The following ZSCAN2 variants were observed in gnomAD, a reference collection of about 807,000 sequenced individuals.
ZSCAN2 encodes zinc finger and SCAN domain containing 2.
ZSCAN2 carries 26 observed loss-of-function variants against 47.8 expected under a neutral mutation model. The ratio of observed to expected loss-of-function variants is 0.54; its 90% confidence interval spans 0.40 to 0.75. The LOEUF (loss-of-function observed/expected upper bound fraction) is 0.75. Among genes scored for constraint, ZSCAN2 ranks in the 30% least tolerant of loss-of-function variants. The pLI, the probability that ZSCAN2 is intolerant of heterozygous loss-of-function variation, is 0.00. For missense variants in ZSCAN2, 732 were observed against 785.4 expected, an observed-to-expected ratio of 0.93 and a Z score of 0.81; for synonymous variants, 305 against 288.7, an observed-to-expected ratio of 1.06 and a Z score of -0.57.
At chr15:84,606,622 G>C in intron 2 of ZSCAN2, 2 of 1,610,672 alleles carry the variant, frequency 1.2e-6, no homozygotes, top group Non-Finnish European at 1.7e-6. Context: ...GAGAGTGATG[G>C]AGGGCTGAGG....
rs908490510 is a variant in ZSCAN2, at chr15:84,602,870, A to G, written c.-108-950A>G. ...TCCCAAAGTGCTGGGATTACAGGCAACCACGCCAAGCCTATAGCACAGTTT... is the reference window on the plus strand; with the variant it reads ...TCCCAAAGTGCTGGGATTACAGGCAGCCACGCCAAGCCTATAGCACAGTTT... On this transcript the variant is annotated intron_variant, in intron 1 of 2. Transcript: ENST00000546148. 2.6e-5 allele frequency among the ~76,000 whole-genome samples: 4 copies of G among 152,058 alleles called. No homozygotes were observed. In the East Asian group the frequency reaches 7.7e-4, roughly 29 times the overall value.
Position 84,623,450 on chromosome 15 carries a change from T to G in ZSCAN2, c.*1410T>G, listed in dbSNP as rs916147106. 2 of 170,968 alleles carry G rather than the reference T, an allele frequency of 1.2e-5. No homozygotes were observed. Among genetic ancestry groups the G allele is most frequent in the Admixed American group, 1.3e-4 (2 of 15,286 alleles). 10.6% of individuals were successfully genotyped at this position (170,968 alleles called of 1,614,324 possible). ...AGGACATATCTGTTCCCTGGAGATA[T>G]TTGGGCTTGAATCAGGAGTTTGTCC... On this transcript the variant is annotated 3_prime_UTR_variant, in exon 3 of 3. Coordinates refer to ENST00000546148, the MANE Select transcript of ZSCAN2 (RefSeq NM_181877.4).
At chr15:84,616,659 T>C in intron 2 of ZSCAN2, 4 of 1,123,718 alleles carry the variant, frequency 3.6e-6, no homozygotes, top group Non-Finnish European at 4.3e-6. Context: ...GTTCTGATTT[T>C]AAAACAGCAA....
rs183582544 is a variant in ZSCAN2 at position 84,609,718 on chromosome 15, G to C, written c.406+5385G>C. 3.7e-3 allele frequency among the ~76,000 whole-genome samples: 568 copies of C among 152,280 alleles called. 13 individuals are homozygous for C. The highest frequency in any genetic ancestry group is 0.034 in the Admixed American group (515 of 15,286). On this transcript the variant is annotated intron_variant, in intron 2 of 2. Coordinates refer to ENST00000546148, the MANE Select transcript of ZSCAN2 (RefSeq NM_181877.4). ...CAGCGCTCTAATGGGGAGAGCCCTA[G>C]TGAGAATGGAGCTGGGCATACCCTA...
Position 84,622,304 on chromosome 15 carries a change from C to T in ZSCAN2, c.*264C>T. On this transcript the variant is annotated 3_prime_UTR_variant, in exon 3 of 3. Transcript: ENST00000546148. ...TTACATTGGGTGACTTGATTGGCCC[C>T]CTCTCATGATTCCTCTGTGCCTCAG... 1.7e-6 allele frequency: 1 copy of T among 574,116 alleles called. No individual in the cohort carries two copies. The highest frequency in any genetic ancestry group is 3.1e-6 in the Non-Finnish European group (1 of 318,206). The allele number at this position is 574,116 out of a possible 1,614,324, so 35.6% of individuals were successfully genotyped here. A position where few individuals can be genotyped will look rare whatever the true frequency, so the allele number is the denominator to read the frequency against.
At chr15:84,606,427 GT>G in intron 2 of ZSCAN2, 1 of 937,008 alleles carries the variant, frequency 1.1e-6, no homozygotes, top group Non-Finnish European at 1.7e-6. Context: ...GGAGATCTCA[GT>G]TTTGCTTGAA....
At chr15:84,601,185 C>G (rs1895190511) in intron 1 of ZSCAN2, 50 bp downstream of exon 1, 1 of 152,314 alleles carries the variant, frequency 6.6e-6, no homozygotes, top group Non-Finnish European at 1.5e-5. Context: ...GGCAGTAGCC[C>G]GAGGTGAGGG....
At chr15:84,610,573 A>G (rs71395455) in intron 2 of ZSCAN2, among the ~76,000 whole-genome samples, 32,124 of 141,122 alleles carry the variant, frequency 0.23, 4,367 homozygotes, top group Middle Eastern at 0.42. Flanking sequence ...TGCAACCTCC[A>G]CCTCCAGGGT....
chr15:84,607,598 T>A (rs1356948371), intron 2 of ZSCAN2, among the ~76,000 whole-genome samples: 1 of 152,164 alleles, frequency 6.6e-6, no homozygotes, highest in African/African-American at 2.4e-5. Flanking sequence ...AACCTCCACC[T>A]CCTGGGTTCA....
chr15:84,617,039 T>A lies in ZSCAN2; in HGVS notation c.407-3563T>A, dbSNP rs1005778242. Among the ~76,000 whole-genome samples, 11 of 152,106 alleles carry A rather than the reference T, an allele frequency of 7.2e-5. No homozygotes were observed. The East Asian group carries it at 2.1e-3, about 29-fold the overall frequency. On this transcript the variant is annotated intron_variant, in intron 2 of 2. Transcript: ENST00000546148. ...TGGGAGGCTGAAGCAGGAGAATTGC[T>A]TGAACCCGGGGAACAGAGGTTGCGG...
chr15:84,611,069 G>A (rs376139364), intron 2 of ZSCAN2, among the ~76,000 whole-genome samples: 1 of 152,242 alleles, frequency 6.6e-6, no homozygotes, highest in East Asian at 1.9e-4. Context: ...CAAGGTGGGT[G>A]GATCACGAGG....
chr15:84,601,574 C>A (rs1334342269), intron 1 of ZSCAN2, among the ~76,000 whole-genome samples: 3 of 152,134 alleles, frequency 2.0e-5, no homozygotes, highest in African/African-American at 7.2e-5. Flanking sequence ...TGAGTAAATA[C>A]ACGTTGAGAG....
At chr15:84,609,018 G>A (rs1314379423) in intron 2 of ZSCAN2, among the ~76,000 whole-genome samples, 7 of 152,346 alleles carry the variant, frequency 4.6e-5, no homozygotes, top group Non-Finnish European at 7.4e-5. Context: ...TCCAACAGTT[G>A]AGTGAAAGAG....
Position 84,621,729 on chromosome 15 carries a change from A to C in ZSCAN2, c.1534A>C (p.Ser512Arg), listed in dbSNP as rs1895821428. Residue 512 changes from serine to arginine, a missense_variant, in exon 3 of 3, where the codon AGC becomes CGC. Transcript: ENST00000546148. The surrounding 1 kb of genome is among the most constrained non-coding windows in gnomAD (Gnocchi z 5.7). ...YKCSECGKCF[S>R]QRSQLVVHQR... Reference sequence around the variant, plus strand: ...ATGCAGCGAGTGTGGGAAATGCTTCAGCCAGCGCTCCCAGCTCGTAGTGCA... The same window carrying C: ...ATGCAGCGAGTGTGGGAAATGCTTCCGCCAGCGCTCCCAGCTCGTAGTGCA... 6.2e-7 allele frequency: 1 copy of C among 1,614,108 alleles called. No individual in the cohort carries two copies. Among genetic ancestry groups the C allele is most frequent in the African/African-American group, 1.3e-5 (1 of 74,944 alleles).
Position 84,606,913 on chromosome 15 carries a change from T to A in ZSCAN2, c.406+2580T>A, listed in dbSNP as rs1407443846. On this transcript the variant is annotated intron_variant, in intron 2 of 2. Coordinates refer to ENST00000546148, the MANE Select transcript of ZSCAN2 (RefSeq NM_181877.4). Reference sequence around the variant, plus strand: ...GCTCACAGGAGTCCCTGCGTTTGTCTTCATCCCTTCTCAAACATTTACTCG... The same window carrying A: ...GCTCACAGGAGTCCCTGCGTTTGTCATCATCCCTTCTCAAACATTTACTCG... 3 of 1,063,758 alleles carry A rather than the reference T, an allele frequency of 2.8e-6. No individual in the cohort carries two copies. The African/African-American group carries it at 5.1e-5, about 18-fold the overall frequency. 65.9% of individuals were successfully genotyped at this position (1,063,758 alleles called of 1,614,324 possible).
chr15:84,615,005 G>A (rs1895656858), intron 2 of ZSCAN2: 1 of 151,960 alleles, frequency 6.6e-6, no homozygotes, highest in African/African-American at 2.4e-5. Context: ...CCAGGCTGGA[G>A]TGCAGTGGTG....
chr15:84,608,819 G>C lies in ZSCAN2; in HGVS notation c.406+4486G>C, dbSNP rs535203258. ...ACTGCCATAGAGCTTTGTTCTTCAG[G>C]GGGTGGTCAGTGGGCCAGCAGCATC... On this transcript the variant is annotated intron_variant, in intron 2 of 2. Transcript: ENST00000546148. 7.9e-5 allele frequency among the ~76,000 whole-genome samples: 12 copies of C among 152,230 alleles called. No individual in the cohort carries two copies. The South Asian group carries it at 2.3e-3, about 29-fold the overall frequency.
At position 84,620,585 on chromosome 15, in the gene ZSCAN2, T is replaced by G. The variant is rs754150885; in HGVS notation, c.407-17T>G. Reference sequence around the variant, plus strand: ...GGGAGTTGAGTAGACATTGTATGTTTTTCTTCATTGTTTCAGATTTTGAGA... The same window carrying G: ...GGGAGTTGAGTAGACATTGTATGTTGTTCTTCATTGTTTCAGATTTTGAGA... On this transcript the variant is annotated splice_polypyrimidine_tract_variant and intron_variant, in intron 2 of 2. Coordinates refer to ENST00000546148, the MANE Select transcript of ZSCAN2 (RefSeq NM_181877.4). 6.3e-7 allele frequency: 1 copy of G among 1,582,338 alleles called. No homozygotes were observed. The highest frequency in any genetic ancestry group is 1.7e-5 in the Admixed American group (1 of 58,466).
At chr15:84,601,777 C>T (rs987230652) in intron 1 of ZSCAN2, among the ~76,000 whole-genome samples, 1 of 152,030 alleles carries the variant, frequency 6.6e-6, no homozygotes, top group African/African-American at 2.4e-5. Flanking sequence ...AACTCCCGGC[C>T]TCAAGCCATC....
Sources: gnomAD v4.1 joint callset for allele counts (sites outside exome capture counted in the v4.1 genomes callset) on GRCh38, gnomAD v4.1.1 for gene constraint, Gnocchi (gnomAD v3.1) non-coding constraint, MANE v1.5 for transcripts, NCBI Gene and HGNC (gene_info 2026-07-23, HGNC 2026-07-21) for gene names.